Variants in AKAP9 observed in about 807,000 individuals in gnomAD.
AKAP9 encodes the protein A-kinase anchor protein 9.
In AKAP9, 311 loss-of-function variants were observed where a neutral mutation model predicts 488.5. That is an observed-to-expected ratio of 0.64 (90% confidence interval 0.58 to 0.70). The LOEUF is 0.70. Ranked by LOEUF, AKAP9 falls within the 30% of genes least tolerant of loss-of-function variation. The probability of loss-of-function intolerance (pLI) is 0.00; values close to 1 mark genes in which losing one functional copy is unlikely to be tolerated. For missense variants in AKAP9, 4,215 were observed against 4,374.5 expected (o/e 0.96, Z 1.03); for synonymous variants, 1,462 against 1,483.5 (o/e 0.99, Z 0.33).
At chr7:92,035,841 A>T (rs1805106179) in intron 16 of AKAP9, among the ~76,000 whole-genome samples, 1 of 152,152 alleles carries the variant, frequency 6.6e-6, no homozygotes, top group Non-Finnish European at 1.5e-5. Flanking sequence ...CTGGAAGCAC[A>T]GTCTTTGTGT....
intron 15 of AKAP9, among the ~76,000 whole-genome samples, chr7:92,030,855 C>G (rs1296741740): frequency 2.6e-5 from 4 of 152,168 alleles, no homozygotes; most frequent in Non-Finnish European, 5.9e-5. Context: ...AAACTGGCAA[C>G]TGCCAAACCC....
chr7:91,963,025 G>C (rs1793917954), intron 1 of AKAP9, among the ~76,000 whole-genome samples: 1 of 152,140 alleles, frequency 6.6e-6, no homozygotes, highest in Non-Finnish European at 1.5e-5. Flanking sequence ...TTAAGTTTCT[G>C]AAATTGAGCA....
Position 92,038,456 on chromosome 7 carries a change from C to G in AKAP9, c.4376C>G (p.Thr1459Ser). 1 of 1,613,780 alleles carries G rather than the reference C, an allele frequency of 6.2e-7. No homozygotes were observed. The highest frequency in any genetic ancestry group is 1.1e-5 in the South Asian group (1 of 91,046). The change falls in exon 17 of 50, where the codon ACT (threonine) becomes AGT (serine). Residue 1459 changes from threonine to serine, a missense_variant. By Grantham distance (58) the Thr-to-Ser change is moderately conservative. Around this residue, in one of 5 missense-constraint regions of AKAP9, gnomAD observed 2,361 missense variants for 2,430.0 expected, o/e 0.97. Transcript: ENST00000356239. ...VSMSIAFAQQ[T>S]ELSRISGGKE... ...ATGAGTATAGCATTTGCTCAACAAA[C>G]TGAACTGTCTAGAATATCTGGGGGA...
chr7:92,083,684 C>A, intron 33 of AKAP9, 29 bp downstream of exon 33: 1 of 1,598,254 alleles, frequency 6.3e-7, no homozygotes, highest in South Asian at 1.1e-5. Flanking sequence ...ATGTGTTTTT[C>A]AACATTGTGT....
intron 16 of AKAP9, among the ~76,000 whole-genome samples, chr7:92,037,882 T>C: frequency 6.6e-6 from 1 of 152,352 alleles, no homozygotes; most frequent in East Asian, 1.9e-4. Flanking sequence ...AAACTTATAC[T>C]ACATCTATGT....
intron 31 of AKAP9, among the ~76,000 whole-genome samples, chr7:92,081,440 G>A (rs535782536): frequency 6.7e-6 from 1 of 148,508 alleles, no homozygotes; most frequent in East Asian, 2.0e-4. Context: ...AGGCGGCTGG[G>A]ATTACAGACA....
intron 37 of AKAP9, among the ~76,000 whole-genome samples, chr7:92,088,969 T>C (rs897154491): frequency 1.3e-5 from 2 of 152,166 alleles, no homozygotes; most frequent in African/African-American, 2.4e-5. Flanking sequence ...TTTTTTAAAA[T>C]TGAGGAACGT....
At chr7:92,052,378 G>C (rs1808132070) in intron 21 of AKAP9, among the ~76,000 whole-genome samples, 2 of 152,162 alleles carry the variant, frequency 1.3e-5, no homozygotes, top group African/African-American at 4.8e-5. Context: ...GTTGGAGCCA[G>C]ATCTTGTCAC....
chr7:92,013,682 T>A (rs1041309977), intron 9 of AKAP9, among the ~76,000 whole-genome samples: 2 of 152,124 alleles, frequency 1.3e-5, no homozygotes, highest in African/African-American at 4.8e-5. Context: ...AGTAGAAATT[T>A]GAGAGTGGCT....
rs116351542 is a variant in AKAP9 at position 92,026,015 on chromosome 7, A to G, written c.4148+3006A>G. 9.7e-3 allele frequency among the ~76,000 whole-genome samples: 1,481 copies of G among 152,310 alleles called. 33 individuals are homozygous for G. The highest frequency in any genetic ancestry group is 0.034 in the African/African-American group (1,410 of 41,566). Reference sequence around the variant, plus strand: ...TCACTGCACATCTGTAATACTGCCTATTAGAGTAATAACAGCAAAATGGAA... The same window carrying G: ...TCACTGCACATCTGTAATACTGCCTGTTAGAGTAATAACAGCAAAATGGAA... On this transcript the variant is annotated intron_variant, in intron 14 of 49. Transcript: ENST00000356239.
In AKAP9 at chr7:92,082,569, T is replaced by C. The variant is rs1418590277; in HGVS notation, c.8067T>C (p.Asn2689=). 3 of 1,613,966 alleles carry C rather than the reference T, an allele frequency of 1.9e-6. No homozygotes were observed. The highest frequency in any genetic ancestry group is 1.7e-6 in the Non-Finnish European group (2 of 1,179,900). The change falls in exon 32 of 50, where the codon AAT becomes AAC. Residue 2689 remains asparagine (N), a synonymous_variant. Transcript: ENST00000356239. ...GCAATGAAGAAAGTGGATTTTTTAATGAACTCGAGGCTCTTAGAGCTGAAT... is the reference window on the plus strand; with the variant it reads ...GCAATGAAGAAAGTGGATTTTTTAACGAACTCGAGGCTCTTAGAGCTGAAT... ...FHSNEESGFF[N]ELEALRAESV...
At chr7:92,015,418 G>A (rs1428287506) in intron 10 of AKAP9, among the ~76,000 whole-genome samples, 1 of 149,188 alleles carries the variant, frequency 6.7e-6, no homozygotes, top group African/African-American at 2.5e-5. Context: ...AGGCTGGAGT[G>A]CAGTGGCACA....
rs536698782 is a variant in AKAP9, at chr7:91,941,198, C to A, written c.48+51C>A. 4 of 1,515,692 alleles carry A rather than the reference C, an allele frequency of 2.6e-6. No individual in the cohort carries two copies. The African/African-American group carries it at 4.1e-5, about 16-fold the overall frequency. 93.9% of individuals were successfully genotyped at this position (1,515,692 alleles called of 1,614,324 possible). Reference sequence around the variant, plus strand: ...CTGCGGTGGGAGGCGGTGGCTAGCACGGGGTGGGAGGGGGCCTGGGAAGCG... The same window carrying A: ...CTGCGGTGGGAGGCGGTGGCTAGCAAGGGGTGGGAGGGGGCCTGGGAAGCG... On this transcript the variant is annotated intron_variant, in intron 1 of 49. Coordinates refer to ENST00000356239, the MANE Select transcript of AKAP9 (RefSeq NM_005751.5).
chr7:92,050,969 T>G (rs1319681300), intron 21 of AKAP9, among the ~76,000 whole-genome samples: 1 of 152,228 alleles, frequency 6.6e-6, no homozygotes, highest in Non-Finnish European at 1.5e-5. Context: ...TTCTCCAACC[T>G]GTGCTTTCTC....
chr7:91,972,879 C>T (rs1240898956), intron 1 of AKAP9, among the ~76,000 whole-genome samples: 1 of 152,174 alleles, frequency 6.6e-6, no homozygotes, highest in Non-Finnish European at 1.5e-5. Context: ...CTGGAAAGCA[C>T]TGCTGTTTGA....
chr7:92,106,496 G>A (rs571428083), intron 47 of AKAP9, among the ~76,000 whole-genome samples: 4 of 152,256 alleles, frequency 2.6e-5, no homozygotes, highest in African/African-American at 9.6e-5. Context: ...TGCATTTAAG[G>A]CACGGTTCAA....
At chr7:92,108,384 A>C (rs1427659379) in intron 48 of AKAP9, 110 bp from the exon 49 acceptor site, 2 of 983,866 alleles carry the variant, frequency 2.0e-6, no homozygotes, top group East Asian at 4.8e-5. Context: ...GAGATACATT[A>C]TGTGTGTACA....
rs148318643 is a variant in AKAP9 at position 92,102,727 on chromosome 7, G to C, written c.11231G>C (p.Gly3744Ala). The C allele has an allele frequency of 5.6e-5, 90 of 1,614,094 alleles. No homozygotes were observed. The highest frequency in any genetic ancestry group is 3.3e-4 in the Middle Eastern group (2 of 6,084). ...DATLALLARM[G>A]GQPAFTDLEV... ...ACCTTGGCCCTGCTTGCCCGGATGGGGGGGCAGCCAGCTTTCACGGATCTA... is the reference window on the plus strand; with the variant it reads ...ACCTTGGCCCTGCTTGCCCGGATGGCGGGGCAGCCAGCTTTCACGGATCTA... The change falls in exon 46 of 50, where the codon GGG becomes GCG. Residue 3744 changes from glycine (G) to alanine (A), a missense_variant. This residue lies in a region of AKAP9 where 253 missense variants were observed against 266.8 expected (regional missense o/e 0.95). Transcript: ENST00000356239.
intron 2 of AKAP9, among the ~76,000 whole-genome samples, chr7:91,978,664 T>C (rs2130582008): frequency 6.6e-6 from 1 of 152,266 alleles, no homozygotes; most frequent in South Asian, 2.1e-4. Context: ...AAGTGGTTAT[T>C]TTTTCTTTAG....
Sources: gnomAD v4.1 joint callset for allele counts (sites outside exome capture counted in the v4.1 genomes callset) on GRCh38, gnomAD v4.1.1 for gene constraint, gnomAD v4.1.1 regional missense constraint, MANE v1.5 for transcripts, NCBI Gene and HGNC (gene_info 2026-07-23, HGNC 2026-07-21) for gene names.